SPAG16: variants seen among roughly 807,000 people sequenced by gnomAD.
SPAG16 encodes sperm-associated antigen 16 protein.
A neutral mutation model predicts 80.4 loss-of-function variants in SPAG16; 86 were observed. The ratio of observed to expected loss-of-function variants is 1.07; its 90% CI spans 0.90 to 1.28. The LOEUF is 1.28. SPAG16 is among the 50% of genes most tolerant of loss of function. The pLI is 0.00. For missense variants in SPAG16, 870 were observed against 765.3 expected (o/e 1.14, Z -1.61); for synonymous variants, 294 against 265.9 (o/e 1.11, Z -1.03).
intron 11 of SPAG16, among the ~76,000 whole-genome samples, chr2:213,909,586 A>C (rs1038976001): frequency 1.3e-5 from 2 of 152,026 alleles, no homozygotes; most frequent in Admixed American, 6.6e-5. Flanking sequence ...ATCTACAACT[A>C]TCTGATCTTT....
chr2:213,928,251 A>AT (rs566334387), intron 11 of SPAG16, among the ~76,000 whole-genome samples: 33,029 of 144,002 alleles, frequency 0.23, 4,331 homozygotes, highest in South Asian at 0.35. Flanking sequence ...TGCCTGGCTA[A>AT]TTTTTTTTTT....
intron 14 of SPAG16, among the ~76,000 whole-genome samples, chr2:214,110,726 T>C (rs990797177): frequency 2.0e-5 from 3 of 152,228 alleles, no homozygotes; most frequent in Admixed American, 1.3e-4. Flanking sequence ...TCTTCCAAAA[T>C]GGTTGAACTA....
chr2:213,455,296 A>G (rs1426216739), intron 9 of SPAG16, among the ~76,000 whole-genome samples: 1 of 152,044 alleles, frequency 6.6e-6, no homozygotes, highest in African/African-American at 2.4e-5. Flanking sequence ...TTTTGAAACA[A>G]TTTTTCCTTT....
intron 10 of SPAG16, among the ~76,000 whole-genome samples, chr2:213,651,420 C>T (rs1275945504): frequency 6.6e-6 from 1 of 152,156 alleles, no homozygotes; most frequent in Non-Finnish European, 1.5e-5. Flanking sequence ...GGGTTCCCTA[C>T]AGGAGAAACC....
In SPAG16 at chr2:213,532,327, A is replaced by G. The variant is rs139423803; in HGVS notation, c.1070+42237A>G. Among the ~76,000 whole-genome samples, 611 of 152,302 alleles carry G rather than the reference A, an allele frequency of 4.0e-3. 6 individuals carry two copies. Among genetic ancestry groups the G allele is most frequent in the African/African-American group, 0.014 (579 of 41,574 alleles). On this transcript the variant is annotated intron_variant, in intron 10 of 15. Transcript: ENST00000331683. ...ACTTTGGCCTGAACTATGAATTCTA[A>G]TTTAATTTTTATATACTCTGTGTTA...
At chr2:214,232,587 CG>C (rs71037352) in intron 15 of SPAG16, among the ~76,000 whole-genome samples, 28,500 of 151,226 alleles carry the variant, frequency 0.19, 2,837 homozygotes, top group African/African-American at 0.25. Context: ...GTGAAGGAGT[CG>C]GGGGGGGCTC....
intron 15 of SPAG16, among the ~76,000 whole-genome samples, chr2:214,202,725 A>G (rs2058043809): frequency 6.6e-6 from 1 of 152,186 alleles, no homozygotes; most frequent in African/African-American, 2.4e-5. Flanking sequence ...AATCTGATCT[A>G]CATCTTTAAG....
intron 13 of SPAG16, among the ~76,000 whole-genome samples, chr2:214,029,996 A>G (rs147925331): frequency 5.3e-5 from 8 of 152,268 alleles, no homozygotes; most frequent in African/African-American, 1.7e-4. Context: ...AACAATCAAC[A>G]TGAGATCTAG....
chr2:213,769,552 C>T (rs1381090142), intron 10 of SPAG16, among the ~76,000 whole-genome samples: 1 of 152,126 alleles, frequency 6.6e-6, no homozygotes, highest in African/African-American at 2.4e-5. Flanking sequence ...GCAGAGGAAT[C>T]CTCATCTACT....
chr2:213,555,166 A>G (rs2059388444), intron 10 of SPAG16, among the ~76,000 whole-genome samples: 2 of 152,216 alleles, frequency 1.3e-5, no homozygotes, highest in South Asian at 4.1e-4. Context: ...ATAGTCCATG[A>G]CTAAATGGTA....
At chr2:214,182,561 A>T (rs1342081668) in intron 15 of SPAG16, among the ~76,000 whole-genome samples, 1 of 151,928 alleles carries the variant, frequency 6.6e-6, no homozygotes, top group Non-Finnish European at 1.5e-5. Flanking sequence ...AAGGACTGCA[A>T]ATCTTTAAGT....
chr2:213,316,841 G>T (rs930803120), intron 4 of SPAG16, among the ~76,000 whole-genome samples: 1 of 151,936 alleles, frequency 6.6e-6, no homozygotes, highest in Admixed American at 6.6e-5. Flanking sequence ...ACTCCCATCA[G>T]TGTTTCCACC....
chr2:214,270,693 CATATGCT>C (rs1691925765), intron 15 of SPAG16, among the ~76,000 whole-genome samples: 1 of 152,126 alleles, frequency 6.6e-6, no homozygotes. Flanking sequence ...GCCTGAAATG[CATATGCT>C]TGATTAGTCC....
chr2:213,774,421 A>T (rs1046662029), intron 10 of SPAG16, among the ~76,000 whole-genome samples: 8 of 152,140 alleles, frequency 5.3e-5, no homozygotes, highest in African/African-American at 1.9e-4. Flanking sequence ...TAATCTTCAC[A>T]TGGCATTTTT....
chr2:213,437,258 C>T (rs1201533722), intron 9 of SPAG16, among the ~76,000 whole-genome samples: 1 of 152,210 alleles, frequency 6.6e-6, no homozygotes, highest in Non-Finnish European at 1.5e-5. Context: ...TTTAGAATCA[C>T]ATTGCCCATG....
chr2:213,817,213 CATAT>C (rs71063784), intron 10 of SPAG16, among the ~76,000 whole-genome samples: 17 of 142,958 alleles, frequency 1.2e-4, no homozygotes, highest in East Asian at 2.0e-4. Context: ...ACAAAGCATG[CATAT>C]ATATATATAT....
At chr2:213,329,204 C>G (rs756974295) in intron 5 of SPAG16, among the ~76,000 whole-genome samples, 25 of 152,072 alleles carry the variant, frequency 1.6e-4, no homozygotes, top group Non-Finnish European at 3.5e-4. Flanking sequence ...GAAAAGATAC[C>G]AGAAAATGTG....
intron 10 of SPAG16, among the ~76,000 whole-genome samples, chr2:213,759,839 A>G (rs946400295): frequency 2.0e-5 from 3 of 152,120 alleles, no homozygotes; most frequent in African/African-American, 7.2e-5. Flanking sequence ...GATCGAAACC[A>G]TCCTGGCCAA....
At chr2:213,481,362 TTTTA>T (rs534430414) in intron 9 of SPAG16, among the ~76,000 whole-genome samples, 105 of 152,296 alleles carry the variant, frequency 6.9e-4, no homozygotes, top group Middle Eastern at 6.8e-3. Context: ...TAGAATACGT[TTTTA>T]TTGATAAATG....
Sources: allele counts gnomAD v4.1 joint callset (sites outside exome capture counted in the v4.1 genomes callset), GRCh38; gene constraint gnomAD v4.1.1; transcripts MANE v1.5; gene names NCBI Gene and HGNC (gene_info 2026-07-23, HGNC 2026-07-21).